Variants in KCTD8 observed in about 807,000 individuals in gnomAD.
The protein encoded by KCTD8 is BTB/POZ domain-containing protein KCTD8.
Under a neutral mutation model 31.5 loss-of-function variants are expected in KCTD8, and 27 were observed. The observed-to-expected ratio is 0.86, with a 90% CI of 0.63 to 1.18. KCTD8 has a LOEUF of 1.18. Among genes scored for constraint, KCTD8 ranks in the 50% most tolerant of loss-of-function variants. KCTD8 has a pLI of 0.00. For synonymous variants in KCTD8, 290 were observed against 280.0 expected, an observed-to-expected ratio of 1.04 and a Z score of -0.36; for missense variants, 658 against 647.7, an observed-to-expected ratio of 1.02 and a Z score of -0.17.
chr4:44,447,469 C>A lies in KCTD8; in HGVS notation c.961+94G>T, dbSNP rs1043515506. ...ATAAGGAGTTAACCAGCGCCTGCCC[C>A]GGACACCCCCGCGGGGCCTCCAGCG... On this transcript the variant is annotated intron_variant, in intron 1 of 1. Transcript: ENST00000360029. 3.5e-6 allele frequency: 5 copies of A among 1,428,536 alleles called. No individual in the cohort carries two copies. In the East Asian group the frequency reaches 7.7e-5, roughly 22 times the overall value. The allele number at this position is 1,428,536 out of a possible 1,614,324, so 88.5% of individuals were successfully genotyped here.
intron 1 of KCTD8, among the ~76,000 whole-genome samples, chr4:44,308,369 T>A (rs1279340238): frequency 6.6e-6 from 1 of 152,010 alleles, no homozygotes; most frequent in Non-Finnish European, 1.5e-5. Flanking sequence ...GTAGAACCTG[T>A]TCCATATTTG....
rs534603756 is a variant in KCTD8 at position 44,349,094 on chromosome 4, CACT to C, written c.961+98466_961+98468del. Among the ~76,000 whole-genome samples, 530 of 109,180 alleles carry C rather than the reference CACT, an allele frequency of 4.9e-3. 4 individuals are homozygous for C. Among genetic ancestry groups the C allele is most frequent in the African/African-American group, 0.016 (440 of 27,408 alleles). The allele number at this position is 109,180 out of a possible 152,430, so 71.6% of individuals were successfully genotyped here. ...CCGCCACCACCACCACCACCACCAC[CACT>C]ACCACCAATGCTATCATCATCATTT... On this transcript the variant is annotated intron_variant, in intron 1 of 1. Coordinates refer to ENST00000360029, the MANE Select transcript of KCTD8 (RefSeq NM_198353.3).
intron 1 of KCTD8, among the ~76,000 whole-genome samples, chr4:44,231,699 C>A (rs1396954364): frequency 6.6e-6 from 1 of 152,094 alleles, no homozygotes; most frequent in East Asian, 1.9e-4. Flanking sequence ...AGGCATACTA[C>A]AAAAAATTAA....
At position 44,298,304 on chromosome 4, in the gene KCTD8, A is replaced by G. The variant is rs150928665; in HGVS notation, c.962-123054T>C. Among the ~76,000 whole-genome samples, 443 of 152,156 alleles carry G rather than the reference A, an allele frequency of 2.9e-3. 1 individual carries two copies. The highest frequency in any genetic ancestry group is 5.3e-3 in the Non-Finnish European group (358 of 67,982). Reference sequence around the variant, plus strand: ...TTCTGTTTCGGAATTGGGAGATGATATGTTTCAGTTACATATACCACTTGA... The same window carrying G: ...TTCTGTTTCGGAATTGGGAGATGATGTGTTTCAGTTACATATACCACTTGA... On this transcript the variant is annotated intron_variant, in intron 1 of 1. Coordinates refer to ENST00000360029, the MANE Select transcript of KCTD8 (RefSeq NM_198353.3).
intron 1 of KCTD8, among the ~76,000 whole-genome samples, chr4:44,202,052 T>A (rs543821930): frequency 1.3e-5 from 2 of 152,256 alleles, no homozygotes; most frequent in African/African-American, 4.8e-5. Context: ...CCAACATTAC[T>A]AATCATCAAA....
chr4:44,242,263 T>A (rs965557098), intron 1 of KCTD8, among the ~76,000 whole-genome samples: 11 of 152,246 alleles, frequency 7.2e-5, no homozygotes, highest in Non-Finnish European at 1.5e-4. Flanking sequence ...CATATGAGGA[T>A]ATCAAAGCAA....
chr4:44,270,125 A>G (rs2109371624), intron 1 of KCTD8, among the ~76,000 whole-genome samples: 2 of 152,256 alleles, frequency 1.3e-5, no homozygotes, highest in South Asian at 4.1e-4. Flanking sequence ...ACAATAGCAA[A>G]GTCTTGGAAC....
intron 1 of KCTD8, among the ~76,000 whole-genome samples, chr4:44,196,894 A>C (rs1713959464): frequency 6.6e-6 from 1 of 152,166 alleles, no homozygotes; most frequent in Admixed American, 6.5e-5. Flanking sequence ...CTGCTGCCAT[A>C]ACACCAACAG....
chr4:44,419,865 A>T (rs942685157), intron 1 of KCTD8, among the ~76,000 whole-genome samples: 9 of 152,062 alleles, frequency 5.9e-5, no homozygotes, highest in African/African-American at 1.9e-4. Flanking sequence ...ATGAAAAATT[A>T]AAAAAAGGAA....
intron 1 of KCTD8, among the ~76,000 whole-genome samples, chr4:44,314,856 A>T (rs1718062248): frequency 6.6e-6 from 1 of 150,928 alleles, no homozygotes; most frequent in East Asian, 1.9e-4. Flanking sequence ...TGTTTATTAT[A>T]GAAATAATTC....
intron 1 of KCTD8, among the ~76,000 whole-genome samples, chr4:44,269,137 A>G (rs1716492332): frequency 6.6e-6 from 1 of 152,186 alleles, no homozygotes; most frequent in African/African-American, 2.4e-5. Flanking sequence ...CTGACTTCAA[A>G]CTATACTACA....
At chr4:44,301,662 T>C (rs1228420901) in intron 1 of KCTD8, among the ~76,000 whole-genome samples, 1 of 152,200 alleles carries the variant, frequency 6.6e-6, no homozygotes, top group Non-Finnish European at 1.5e-5. Flanking sequence ...TCCCATTTCA[T>C]AGGTTGCCTG....
intron 1 of KCTD8, among the ~76,000 whole-genome samples, chr4:44,267,757 T>C (rs1201567254): frequency 6.6e-6 from 1 of 152,152 alleles, no homozygotes; most frequent in African/African-American, 2.4e-5. Flanking sequence ...CAGAGAATAC[T>C]ACAAACACCT....
chr4:44,381,515 T>G (rs1042794504), intron 1 of KCTD8, among the ~76,000 whole-genome samples: 7 of 152,122 alleles, frequency 4.6e-5, no homozygotes, highest in African/African-American at 1.7e-4. Flanking sequence ...CAGGAATAGC[T>G]ATACTTAAGT....
chr4:44,243,900 T>G (rs1042831551), intron 1 of KCTD8, among the ~76,000 whole-genome samples: 19 of 152,206 alleles, frequency 1.2e-4, no homozygotes, highest in African/African-American at 4.6e-4. Context: ...AAAACAATCT[T>G]CTGTGCCACA....
At chr4:44,197,835 C>T (rs1467925755) in intron 1 of KCTD8, among the ~76,000 whole-genome samples, 1 of 152,158 alleles carries the variant, frequency 6.6e-6, no homozygotes. Flanking sequence ...AAATAACAGA[C>T]ACAGAATTCA....
At chr4:44,352,840 C>T (rs1428971974) in intron 1 of KCTD8, among the ~76,000 whole-genome samples, 1 of 151,908 alleles carries the variant, frequency 6.6e-6, no homozygotes, top group African/African-American at 2.4e-5. Flanking sequence ...GGTATTCAAT[C>T]TGACCACACT....
chr4:44,350,800 A>C (rs1577630625), intron 1 of KCTD8, among the ~76,000 whole-genome samples: 1 of 152,296 alleles, frequency 6.6e-6, no homozygotes, highest in East Asian at 1.9e-4. Flanking sequence ...TTTAACAAAT[A>C]TTGATTTTCT....
intron 1 of KCTD8, among the ~76,000 whole-genome samples, chr4:44,180,869 T>C (rs1713362042): frequency 1.3e-5 from 2 of 152,076 alleles, no homozygotes; most frequent in South Asian, 4.1e-4. Context: ...AAAATTCTGA[T>C]CAAATATTAA....
Sources: allele counts gnomAD v4.1 joint callset (sites outside exome capture counted in the v4.1 genomes callset), GRCh38; gene constraint gnomAD v4.1.1; transcripts MANE v1.5; gene names NCBI Gene and HGNC (gene_info 2026-07-23, HGNC 2026-07-21).